Variants in SLC37A1 observed in about 807,000 individuals in gnomAD.
SLC37A1 encodes glucose-6-phosphate exchanger SLC37A1.
SLC37A1 carries 49 observed loss-of-function variants against 75.3 expected under a neutral mutation model. The ratio of observed to expected loss-of-function variants is 0.65; its 90% CI spans 0.52 to 0.83. The LOEUF (loss-of-function observed/expected upper bound fraction) is 0.83, where lower values mean the gene tolerates loss of function less well. Ranked by LOEUF, SLC37A1 falls within the 40% of genes least tolerant of loss-of-function variation. The pLI, the probability that SLC37A1 is intolerant of heterozygous loss-of-function variation, is 0.00. For synonymous variants in SLC37A1, 268 were observed against 292.1 expected, an observed-to-expected ratio of 0.92 and a Z score of 0.84; for missense variants, 566 against 695.0, an observed-to-expected ratio of 0.81 and a Z score of 2.09.
rs539768981 is a variant in SLC37A1, at chr21:42,572,249, G to A, written c.1424-2569G>A. On this transcript the variant is annotated intron_variant, in intron 17 of 19. Coordinates refer to ENST00000352133, the MANE Select transcript of SLC37A1 (RefSeq NM_001320537.2). ...TTCTCTTTTTTCTCTTAGATCTCCA[G>A]GTTCCCTTCCTTACCCCGGGAGCCT... is the stretch of plus-strand genomic sequence containing the variant. Among the ~76,000 whole-genome samples, 4 of 152,170 alleles carry A rather than the reference G, an allele frequency of 2.6e-5. No homozygotes were observed. In the South Asian group the frequency reaches 8.3e-4, roughly 32 times the overall value.
At chr21:42,565,070 C>A (rs1286480990) in intron 14 of SLC37A1, among the ~76,000 whole-genome samples, 1 of 152,266 alleles carries the variant, frequency 6.6e-6, no homozygotes, top group Admixed American at 6.5e-5. Context: ...CAAGCTCCTG[C>A]CCATCCTTTG....
At chr21:42,566,852 G>T in intron 15 of SLC37A1, 133 bp from the exon 16 acceptor site, 1 of 840,424 alleles carries the variant, frequency 1.2e-6, no homozygotes, top group South Asian at 1.7e-5. Flanking sequence ...CTCCTCACTA[G>T]ACAAGTTTAG....
At position 42,568,362 on chromosome 21, in the gene SLC37A1, G is replaced by T. The variant is rs775084837; in HGVS notation, c.1347G>T (p.Gly449=). ...CGTCTGTTTTTCCTCTCTTCTAGGG[G>T]ACTCATAAAAGTCTGAAAGGCAACG... ...LITTAVSADL[G]THKSLKGNAH... Residue 449 remains glycine (G), a splice_region_variant and synonymous_variant, in exon 17 of 20, where the codon GGG becomes GGT. Transcript: ENST00000352133. 4 of 1,613,754 alleles carry T rather than the reference G, an allele frequency of 2.5e-6. No individual in the cohort carries two copies. In the South Asian group the frequency reaches 4.4e-5, roughly 18 times the overall value.
chr21:42,522,503 C>T (rs372245273), intron 2 of SLC37A1, among the ~76,000 whole-genome samples: 8 of 152,218 alleles, frequency 5.3e-5, no homozygotes, highest in African/African-American at 1.7e-4. Flanking sequence ...GCAATAGTCA[C>T]GGGAGCTGAA....
intron 2 of SLC37A1, among the ~76,000 whole-genome samples, chr21:42,504,907 G>A (rs1020798380): frequency 2.0e-5 from 3 of 152,132 alleles, no homozygotes; most frequent in African/African-American, 7.2e-5. Context: ...CAATGTCAGG[G>A]ACCAGTTCTT....
chr21:42,542,368 C>G, intron 6 of SLC37A1, 36 bp from the exon 7 acceptor site: 1 of 1,602,108 alleles, frequency 6.2e-7, no homozygotes, highest in Non-Finnish European at 8.5e-7. Context: ...GGGCCTGCTT[C>G]CCACAGGTCA....
At chr21:42,571,515 G>A (rs180747422) in intron 17 of SLC37A1, among the ~76,000 whole-genome samples, 265 of 152,238 alleles carry the variant, frequency 1.7e-3, no homozygotes, top group Non-Finnish European at 1.3e-3. Context: ...GTTGTACAGC[G>A]GCGTTCCGTC....
Position 42,563,801 on chromosome 21 carries a change from T to C in SLC37A1, c.1073-14T>C. The C allele has an allele frequency of 6.2e-7, 1 of 1,613,996 alleles. No individual in the cohort carries two copies. Among genetic ancestry groups the C allele is most frequent in the African/African-American group, 1.3e-5 (1 of 75,034 alleles). On this transcript the variant is annotated splice_polypyrimidine_tract_variant and intron_variant, in intron 12 of 19. Transcript: ENST00000352133. ...AGATCCTCACTGTTTCACACTCCGT[T>C]GTCATTTCAATAGATCACCTTGATG...
At chr21:42,529,049 C>G (rs904534312) in intron 3 of SLC37A1, among the ~76,000 whole-genome samples, 2 of 151,456 alleles carry the variant, frequency 1.3e-5, no homozygotes, top group African/African-American at 4.9e-5. Context: ...CAGGAATTAT[C>G]AAGAAAAGTG....
intron 9 of SLC37A1, among the ~76,000 whole-genome samples, chr21:42,551,656 C>T (rs1243191625): frequency 2.0e-5 from 3 of 152,310 alleles, no homozygotes; most frequent in Admixed American, 6.5e-5. Context: ...TATTATCATA[C>T]AGCTACTCAA....
rs867371657 is a variant in SLC37A1, at chr21:42,561,941, C to A, written c.982-137C>A. ...CAGCGGTGCAGCACCCTCCCCAGTACGTGTCTGGAGGTGCTAAAGCCAGAC... is the reference window on the plus strand; with the variant it reads ...CAGCGGTGCAGCACCCTCCCCAGTAAGTGTCTGGAGGTGCTAAAGCCAGAC... On this transcript the variant is annotated intron_variant, in intron 11 of 19. Transcript: ENST00000352133. 310 of 712,126 alleles carry A rather than the reference C, an allele frequency of 4.4e-4. 7 individuals carry two copies. The Middle Eastern group carries it at 0.018, about 42-fold the overall frequency. 44.1% of individuals were successfully genotyped at this position (712,126 alleles called of 1,614,324 possible). A position where few individuals can be genotyped will look rare whatever the true frequency, so the allele number is the denominator to read the frequency against.
upstream of SLC37A1, among the ~76,000 whole-genome samples, chr21:42,512,386 G>T (rs2054444792): frequency 6.6e-6 from 1 of 152,174 alleles, no homozygotes; most frequent in Admixed American, 6.5e-5. Flanking sequence ...GCTTTAGGAG[G>T]GCAACTTGAG....
chr21:42,525,820 G>A lies in SLC37A1; in HGVS notation c.101G>A (p.Ser34Asn), dbSNP rs2054774760. The A allele has an allele frequency of 6.2e-7, 1 of 1,614,040 alleles. No individual in the cohort carries two copies. Among genetic ancestry groups the A allele is most frequent in the East Asian group, 2.2e-5 (1 of 44,882 alleles). Residue 34 changes from serine to asparagine, a missense_variant, in exon 3 of 20, where the codon AGT (serine) becomes AAT (asparagine). Ser to Asn is a conservative substitution (Grantham distance 46). Transcript: ENST00000352133. ...ATTTTGACATTTCTGCTGTATGCAA[G>A]TTTTCACTTATCTCGAAAGCCTATC... is the stretch of plus-strand genomic sequence containing the variant. Reference protein sequence around the residue: ...IFILTFLLYASFHLSRKPISI... With the variant: ...IFILTFLLYANFHLSRKPISI...
At chr21:42,510,484 A>T (rs2054423018), upstream of SLC37A1, among the ~76,000 whole-genome samples, 1 of 151,836 alleles carries the variant, frequency 6.6e-6, no homozygotes, top group Non-Finnish European at 1.5e-5. Flanking sequence ...GGAACTACAA[A>T]CCGCCAGAAA....
In SLC37A1 at chr21:42,566,989, G is replaced by A; in HGVS notation, c.1275G>A (p.Met425Ile). The change falls in exon 16 of 20, where the codon ATG becomes ATA. Residue 425 changes from methionine to isoleucine, a missense_variant. By Grantham distance (10) the Met-to-Ile change is conservative. Transcript: ENST00000352133. ...SKMGLEATIA[M>I]LLLSGALVSG... The stretch of plus-strand genomic sequence containing the variant: ...TTGCCCCTCTGCCTCCCACAGCCAT[G>A]CTGCTGCTCAGCGGAGCCCTGGTCA... The A allele has an allele frequency of 6.2e-7, 1 of 1,606,916 alleles. No individual in the cohort carries two copies. Among genetic ancestry groups the A allele is most frequent in the Non-Finnish European group, 8.5e-7 (1 of 1,179,814 alleles).
chr21:42,563,983 C>T, intron 13 of SLC37A1, 106 bp downstream of exon 13: 1 of 1,313,524 alleles, frequency 7.6e-7, no homozygotes, highest in Admixed American at 1.9e-5. Flanking sequence ...GGTCTCATAT[C>T]CCCTGAGTGG....
At chr21:42,543,139 A>C (rs2055323409) in intron 7 of SLC37A1, among the ~76,000 whole-genome samples, 1 of 152,242 alleles carries the variant, frequency 6.6e-6, no homozygotes, top group Admixed American at 6.5e-5. Flanking sequence ...TTGTAGAGGC[A>C]CAAATTTTAA....
chr21:42,576,992 A>G (rs2056322745), intron 18 of SLC37A1, among the ~76,000 whole-genome samples: 1 of 152,232 alleles, frequency 6.6e-6, no homozygotes, highest in African/African-American at 2.4e-5. Flanking sequence ...TTAAGACAAA[A>G]TAGCTGAGAA....
intron 16 of SLC37A1, among the ~76,000 whole-genome samples, chr21:42,567,361 C>G (rs537875602): frequency 1.3e-5 from 2 of 152,316 alleles, no homozygotes; most frequent in East Asian, 3.9e-4. Context: ...GTCCTGGACG[C>G]CTCTGCAGAG....
Sources: gnomAD v4.1 joint callset for allele counts (sites outside exome capture counted in the v4.1 genomes callset) on GRCh38, gnomAD v4.1.1 for gene constraint, MANE v1.5 for transcripts, NCBI Gene and HGNC (gene_info 2026-07-23, HGNC 2026-07-21) for gene names.